GABBR2: variants seen among roughly 807,000 people sequenced by gnomAD.
The protein encoded by GABBR2 is gamma-aminobutyric acid type B receptor subunit 2, also known as G-protein coupled receptor 51.
Under a neutral mutation model 105.6 loss-of-function variants are expected in GABBR2, and 23 were observed. That is an observed-to-expected ratio of 0.22 (90% confidence interval 0.16 to 0.31). GABBR2 has a LOEUF of 0.31. GABBR2 is among the 10% of genes least tolerant of loss of function. GABBR2 has a pLI of 1.00. For synonymous variants in GABBR2, 478 were observed against 499.7 expected, an observed-to-expected ratio of 0.96 and a Z score of 0.58; for missense variants, 734 against 1,245.5, an observed-to-expected ratio of 0.59 and a Z score of 6.18.
chr9:98,505,279 C>T (rs1827485818), intron 3 of GABBR2, among the ~76,000 whole-genome samples: 1 of 152,158 alleles, frequency 6.6e-6, no homozygotes, highest in South Asian at 2.1e-4. Flanking sequence ...AATAAGTTCG[C>T]TCTTAATCAT....
At chr9:98,375,946 C>A (rs953582555) in intron 11 of GABBR2, among the ~76,000 whole-genome samples, 13 of 152,188 alleles carry the variant, frequency 8.5e-5, no homozygotes, top group African/African-American at 3.1e-4. Context: ...TCGTCAACAC[C>A]AAATAGCTAC....
intron 13 of GABBR2, among the ~76,000 whole-genome samples, chr9:98,360,252 C>T (rs1424877459): frequency 6.6e-6 from 1 of 152,188 alleles, no homozygotes; most frequent in Non-Finnish European, 1.5e-5. Flanking sequence ...TTCAACTACC[C>T]TGTTGTGTCT....
intron 3 of GABBR2, among the ~76,000 whole-genome samples, chr9:98,508,914 G>A (rs1827575582): frequency 6.6e-6 from 1 of 152,194 alleles, no homozygotes; most frequent in Non-Finnish European, 1.5e-5. Flanking sequence ...CAGCTTTGAA[G>A]AGAGTAGTGG....
At chr9:98,616,166 C>T (rs2778912) in intron 1 of GABBR2, among the ~76,000 whole-genome samples, 8,594 of 152,276 alleles carry the variant, frequency 0.056, 939 homozygotes, top group East Asian at 0.46. Flanking sequence ...CACATGTGGT[C>T]CCCAGGGAAG....
intron 3 of GABBR2, among the ~76,000 whole-genome samples, chr9:98,514,794 TATAATA>T (rs1347601187): frequency 1.3e-5 from 2 of 152,068 alleles, no homozygotes; most frequent in Non-Finnish European, 2.9e-5. Flanking sequence ...AAACTTAAAG[TATAATA>T]ATAATAATTA....
chr9:98,503,462 G>A (rs1827445064), intron 3 of GABBR2, among the ~76,000 whole-genome samples: 1 of 152,112 alleles, frequency 6.6e-6, no homozygotes, highest in Non-Finnish European at 1.5e-5. Flanking sequence ...AGTTGCTCAG[G>A]CTTCTGTGGG....
intron 5 of GABBR2, among the ~76,000 whole-genome samples, chr9:98,475,346 TA>T (rs970234599): frequency 7.1e-4 from 100 of 141,534 alleles, no homozygotes; most frequent in Admixed American, 9.9e-4. Context: ...ACAGAAACTT[TA>T]AAAAAAAAAA....
intron 13 of GABBR2, chr9:98,362,485 A>G (rs947557280): frequency 1.1e-5 from 3 of 280,964 alleles, no homozygotes; most frequent in African/African-American, 6.6e-5. Context: ...TACTCTTAAA[A>G]AGCCCAACAT....
At chr9:98,585,542 A>G (rs1829059972) in intron 1 of GABBR2, among the ~76,000 whole-genome samples, 2 of 151,190 alleles carry the variant, frequency 1.3e-5, no homozygotes, top group Non-Finnish European at 1.5e-5. Flanking sequence ...CCTAATGCTA[A>G]ATGATGAGTT....
chr9:98,487,346 C>G (rs1206864318), intron 4 of GABBR2, among the ~76,000 whole-genome samples: 1 of 152,050 alleles, frequency 6.6e-6, no homozygotes, highest in African/African-American at 2.4e-5. Context: ...AAAAGGGGGT[C>G]AATTCCCTAA....
chr9:98,361,448 T>C (rs1021613202), intron 13 of GABBR2, among the ~76,000 whole-genome samples: 23 of 152,350 alleles, frequency 1.5e-4, no homozygotes, highest in African/African-American at 5.5e-4. Flanking sequence ...TAGCCAATGA[T>C]AGCTCTTCCT....
intron 3 of GABBR2, among the ~76,000 whole-genome samples, chr9:98,534,471 C>T (rs541090318): frequency 6.6e-6 from 1 of 152,340 alleles, no homozygotes; most frequent in South Asian, 2.1e-4. Flanking sequence ...AAAATAACAG[C>T]TGCCCCTTGC....
chr9:98,385,231 T>G (rs1177016468), intron 11 of GABBR2, among the ~76,000 whole-genome samples: 1 of 152,120 alleles, frequency 6.6e-6, no homozygotes, highest in Non-Finnish European at 1.5e-5. Flanking sequence ...CGAGACAGGG[T>G]CTTTCTCTGT....
rs558019007 is a variant in GABBR2 at position 98,566,118 on chromosome 9, G to A, written c.459+11817C>T. On this transcript the variant is annotated intron_variant, in intron 2 of 18. Coordinates refer to ENST00000259455, the MANE Select transcript of GABBR2 (RefSeq NM_005458.8). ...GCCTAGAAGCAGGACGAGAGCTGGC[G>A]AAGGTGACCAACTTGTCCCGGCCAG... Among the ~76,000 whole-genome samples the A allele has an allele frequency of 1.1e-4, 17 of 152,318 alleles. 1 individual carries two copies. The South Asian group carries it at 2.7e-3, about 24-fold the overall frequency.
intron 18 of GABBR2, among the ~76,000 whole-genome samples, chr9:98,291,951 G>A (rs201465182): frequency 1.3e-4 from 20 of 152,332 alleles, no homozygotes; most frequent in East Asian, 3.9e-4. Flanking sequence ...GGGTTAGCAC[G>A]TGATGGAGGA....
chr9:98,382,468 C>G (rs1388326819), intron 11 of GABBR2, among the ~76,000 whole-genome samples: 1 of 152,148 alleles, frequency 6.6e-6, no homozygotes, highest in Admixed American at 6.5e-5. Context: ...CGCCCGCCAC[C>G]TCGCCCAGCT....
chr9:98,506,876 C>A (rs1461807626), intron 3 of GABBR2, among the ~76,000 whole-genome samples: 1 of 152,220 alleles, frequency 6.6e-6, no homozygotes, highest in Non-Finnish European at 1.5e-5. Flanking sequence ...ACCCAACCCA[C>A]AATGCCAGCT....
Position 98,388,037 on chromosome 9 carries a change from C to T in GABBR2, c.1529+817G>A, listed in dbSNP as rs2131494231. On this transcript the variant is annotated intron_variant, in intron 10 of 18. Transcript: ENST00000259455. The surrounding 1 kb of genome is among the most constrained non-coding windows in gnomAD (Gnocchi z 4.4). ...TGTCCCCATGACGGCCCATGCTCTGCACCCCTGCTTATTCCACAAAAAGGC... is the reference window on the plus strand; with the variant it reads ...TGTCCCCATGACGGCCCATGCTCTGTACCCCTGCTTATTCCACAAAAAGGC... Among the ~76,000 whole-genome samples the T allele has an allele frequency of 6.6e-6, 1 of 152,314 alleles. No homozygotes were observed. Among genetic ancestry groups the T allele is most frequent in the South Asian group, 2.1e-4 (1 of 4,826 alleles).
intron 2 of GABBR2, among the ~76,000 whole-genome samples, chr9:98,560,420 TACACATACAC>T (rs1472317567): frequency 2.0e-5 from 2 of 97,788 alleles, no homozygotes; most frequent in African/African-American, 5.6e-5. Context: ...CACACACATA[TACACATACAC>T]ACACACACAC....
Sources: allele counts gnomAD v4.1 joint callset (sites outside exome capture counted in the v4.1 genomes callset), GRCh38; gene constraint gnomAD v4.1.1; non-coding constraint Gnocchi (gnomAD v3.1); transcripts MANE v1.5; gene names NCBI Gene and HGNC (gene_info 2026-07-23, HGNC 2026-07-21).